The following DMXL2 variants were observed in gnomAD, a reference collection of about 807,000 sequenced individuals.
DMXL2 encodes the protein dmX-like protein 2.
DMXL2 carries 103 observed loss-of-function variants against 331.1 expected under a neutral mutation model. That is an observed-to-expected ratio of 0.31 (90% confidence interval 0.27 to 0.37). DMXL2 has a LOEUF of 0.37. DMXL2 is among the 10% of genes least tolerant of loss of function. DMXL2 has a pLI of 1.00. For missense variants in DMXL2, 3,171 were observed against 3,642.9 expected (o/e 0.87, Z 3.33); for synonymous variants, 1,281 against 1,252.1 (o/e 1.02, Z -0.49).
At chr15:51,470,580 T>C (rs1041439604) in intron 29 of DMXL2, among the ~76,000 whole-genome samples, 1 of 152,210 alleles carries the variant, frequency 6.6e-6, no homozygotes, top group Non-Finnish European at 1.5e-5. Flanking sequence ...GAGGCATGAC[T>C]CTGGAGATGT....
chr15:51,614,323 C>G (rs1436539183), intron 1 of DMXL2, among the ~76,000 whole-genome samples: 11 of 152,194 alleles, frequency 7.2e-5, no homozygotes, highest in Non-Finnish European at 8.8e-5. Context: ...TTTGTTATGG[C>G]AGCCCCAGCA....
At position 51,448,728 on chromosome 15, in the gene DMXL2, C is replaced by G. The variant is rs1389608158; in HGVS notation, c.*256G>C. The G allele has an allele frequency of 6.8e-6, 3 of 441,930 alleles. No individual in the cohort carries two copies. Among genetic ancestry groups the G allele is most frequent in the African/African-American group, 2.0e-5 (1 of 51,262 alleles). The allele number at this position is 441,930 out of a possible 1,614,324, so 27.4% of individuals were successfully genotyped here. A position where few individuals can be genotyped will look rare whatever the true frequency, so the allele number is the denominator to read the frequency against. On this transcript the variant is annotated 3_prime_UTR_variant, in exon 44 of 44. Coordinates refer to ENST00000560891, the MANE Select transcript of DMXL2 (RefSeq NM_001378457.1). ...TGCTAATCTCAAATGTTTTCTGAAT[C>G]AGGTTTGCTAAATGCTGTAAAGAAT...
intron 15 of DMXL2, among the ~76,000 whole-genome samples, chr15:51,510,736 A>T (rs1239092635): frequency 6.6e-6 from 1 of 152,198 alleles, no homozygotes; most frequent in Non-Finnish European, 1.5e-5. Flanking sequence ...CGTAGCCAAG[A>T]CAAACCTAAG....
chr15:51,492,167 C>T (rs528902516), intron 19 of DMXL2, among the ~76,000 whole-genome samples: 1 of 152,334 alleles, frequency 6.6e-6, no homozygotes, highest in African/African-American at 2.4e-5. Flanking sequence ...ACCTGTGAAT[C>T]CGGCCCGCCC....
chr15:51,622,418 G>A (rs2054712521), intron 1 of DMXL2, 41 bp downstream of exon 1: 1 of 1,550,444 alleles, frequency 6.4e-7, no homozygotes, highest in South Asian at 1.2e-5. Flanking sequence ...CCCGCGTCTG[G>A]CCCCTGGTAT....
At chr15:51,598,914 A>C (rs2053028075) in intron 1 of DMXL2, among the ~76,000 whole-genome samples, 1 of 152,166 alleles carries the variant, frequency 6.6e-6, no homozygotes, top group Non-Finnish European at 1.5e-5. Flanking sequence ...TCCTTACTAA[A>C]CTTTCATCCA....
intron 41 of DMXL2, 32 bp from the exon 42 acceptor site, chr15:51,451,729 C>A: frequency 6.4e-7 from 1 of 1,567,090 alleles, no homozygotes; most frequent in Non-Finnish European, 8.8e-7. Flanking sequence ...AAAAATACAT[C>A]ATAAATGATT....
chr15:51,518,888 T>C (rs182988711), intron 13 of DMXL2, among the ~76,000 whole-genome samples: 8 of 152,276 alleles, frequency 5.3e-5, no homozygotes, highest in Non-Finnish European at 1.2e-4. Context: ...ACTCATTTTA[T>C]AGTGGAAGAT....
At chr15:51,486,474 G>A in intron 22 of DMXL2, 137 bp from the exon 23 acceptor site, 1 of 661,402 alleles carries the variant, frequency 1.5e-6, no homozygotes, top group Non-Finnish European at 2.5e-6. Flanking sequence ...GTAGTTAAAT[G>A]ATTGATAGGA....
Position 51,480,799 on chromosome 15 carries a change from A to T in DMXL2, c.6307T>A (p.Ser2103Thr). 6.2e-7 allele frequency: 1 copy of T among 1,608,658 alleles called. No individual in the cohort carries two copies. Among genetic ancestry groups the T allele is most frequent in the South Asian group, 1.1e-5 (1 of 90,236 alleles). ...TCCAGCAGATCACTCTCTACTTTGG[A>T]ATATGTCTTACTGGAATACTCTTTA... ...VIKEYSSKTY[S>T]KVESDLLDQE... Residue 2103 changes from serine to threonine, a missense_variant, in exon 24 of 44, where the codon TCC becomes ACC. Coordinates refer to ENST00000560891, the MANE Select transcript of DMXL2 (RefSeq NM_001378457.1).
chr15:51,454,495 A>G (rs1364148466), intron 40 of DMXL2, among the ~76,000 whole-genome samples: 1 of 152,080 alleles, frequency 6.6e-6, no homozygotes, highest in Non-Finnish European at 1.5e-5. Context: ...GATGTTTGGA[A>G]CCTGATTCTT....
At chr15:51,465,486 TTATA>T (rs2040490365) in intron 31 of DMXL2, 76 bp downstream of exon 31, 5 of 1,012,792 alleles carry the variant, frequency 4.9e-6, no homozygotes, top group Non-Finnish European at 7.6e-6. Context: ...CCAAATGACC[TTATA>T]TATAGATTTT....
intron 26 of DMXL2, among the ~76,000 whole-genome samples, chr15:51,477,133 T>TC (rs1406983093): frequency 6.6e-6 from 1 of 152,076 alleles, no homozygotes; most frequent in Non-Finnish European, 1.5e-5. Context: ...TGTGCAAGTT[T>TC]AACCCTAAAT....
Position 51,499,827 on chromosome 15 carries a change from T to G in DMXL2, c.3397A>C (p.Ser1133Arg). The G allele has an allele frequency of 6.2e-7, 1 of 1,614,102 alleles. No individual in the cohort carries two copies. Among genetic ancestry groups the G allele is most frequent in the Non-Finnish European group, 8.5e-7 (1 of 1,180,000 alleles). ...ACGCTGACCCTTGAATCAAGTACAC[T>G]CCCAACCTTAACCAAATCATCAAGA... Reference protein sequence around the residue: ...IHLDDLVKVGSVLDSRVSVDS... With the variant: ...IHLDDLVKVGRVLDSRVSVDS... Residue 1133 changes from serine to arginine, a missense_variant, in exon 18 of 44, where the codon AGT becomes CGT. Ser to Arg is a moderately radical substitution (Grantham distance 110). Coordinates refer to ENST00000560891, the MANE Select transcript of DMXL2 (RefSeq NM_001378457.1).
rs747046487 is a variant in DMXL2 at position 51,538,462 on chromosome 15, TAA to T, written c.1106-12_1106-11del. The T allele has an allele frequency of 1.3e-5, 20 of 1,562,532 alleles. No homozygotes were observed. In the East Asian group the frequency reaches 2.5e-4, roughly 19 times the overall value. On this transcript the variant is annotated splice_polypyrimidine_tract_variant and intron_variant, in intron 9 of 43. Transcript: ENST00000560891. The stretch of plus-strand genomic sequence containing the variant: ...AAGACATTTGGAATATCTGTGGAAA[TAA>T]AAGAGATTTCAATATAATTTTTTTT...
chr15:51,518,381 T>A (rs552977946), intron 13 of DMXL2, among the ~76,000 whole-genome samples: 1 of 152,128 alleles, frequency 6.6e-6, no homozygotes, highest in Admixed American at 6.6e-5. Flanking sequence ...GGTTTGTTCA[T>A]TGAAATCTGG....
chr15:51,571,786 A>G (rs892582443), intron 2 of DMXL2, among the ~76,000 whole-genome samples: 2 of 152,218 alleles, frequency 1.3e-5, no homozygotes, highest in African/African-American at 2.4e-5. Context: ...CATTCAAAGC[A>G]GTGTGTAGAG....
At chr15:51,571,818 C>T (rs1231625978) in intron 2 of DMXL2, among the ~76,000 whole-genome samples, 5 of 152,032 alleles carry the variant, frequency 3.3e-5, no homozygotes. Flanking sequence ...GCACTAAATG[C>T]CCACAAGAGA....
rs1666880749 is a variant in DMXL2, at chr15:51,500,159, T to C, written c.3065A>G (p.Asn1022Ser). The C allele has an allele frequency of 6.2e-7, 1 of 1,614,206 alleles. No homozygotes were observed. Among genetic ancestry groups the C allele is most frequent in the Non-Finnish European group, 8.5e-7 (1 of 1,180,016 alleles). The change falls in exon 18 of 44, where the codon AAT becomes AGT. Residue 1022 changes from asparagine to serine, a missense_variant. Asn to Ser is a conservative substitution (Grantham distance 46, BLOSUM62 1). Transcript: ENST00000560891. ...PYLVVTTCSD[N>S]KVRFWKCCME... ...ACAACATTTCCAGAAGCGTACTTTA[T>C]TGTCAGAACAAGTTGTAACCACTAA...
Sources: gnomAD v4.1 joint callset for allele counts (sites outside exome capture counted in the v4.1 genomes callset) on GRCh38, gnomAD v4.1.1 for gene constraint, MANE v1.5 for transcripts, NCBI Gene and HGNC (gene_info 2026-07-23, HGNC 2026-07-21) for gene names.